Variants in SLC9C2 observed in about 807,000 individuals in gnomAD.
SLC9C2 encodes solute carrier family 9 member C2 (putative), also known as sodium/hydrogen exchanger 11.
SLC9C2 carries 75 observed loss-of-function variants against 140.2 expected under a neutral mutation model. That is an observed-to-expected ratio of 0.53 (90% confidence interval 0.44 to 0.65). SLC9C2 has a LOEUF of 0.65. Among genes scored for constraint, SLC9C2 ranks in the 30% least tolerant of loss-of-function variants. The pLI, the probability that SLC9C2 is intolerant of heterozygous loss-of-function variation, is 0.00. For missense variants in SLC9C2, 1,074 were observed against 1,331.8 expected (o/e 0.81, Z 3.01); for synonymous variants, 375 against 420.9 (o/e 0.89, Z 1.34).
chr1:173,549,570 G>T lies in SLC9C2; in HGVS notation c.1298-1018C>A, dbSNP rs189294272. 6.6e-3 allele frequency among the ~76,000 whole-genome samples: 1,011 copies of T among 152,320 alleles called. 6 individuals carry two copies. Among genetic ancestry groups the T allele is most frequent in the African/African-American group, 0.022 (909 of 41,568 alleles). On this transcript the variant is annotated intron_variant, in intron 11 of 27. Coordinates refer to ENST00000367714, the MANE Select transcript of SLC9C2 (RefSeq NM_178527.4). Reference sequence around the variant, plus strand: ...ACCAGTACATCTGAATATACTCCCAGTGGTTAAGATAATCCTGGAAGAATA... The same window carrying T: ...ACCAGTACATCTGAATATACTCCCATTGGTTAAGATAATCCTGGAAGAATA...
Position 173,533,599 on chromosome 1 carries a change from G to A in SLC9C2, c.2163+10C>T. 6.4e-7 allele frequency: 1 copy of A among 1,561,336 alleles called. No individual in the cohort carries two copies. The highest frequency in any genetic ancestry group is 2.3e-5 in the East Asian group (1 of 44,252). On this transcript the variant is annotated intron_variant, in intron 17 of 27. Transcript: ENST00000367714. ...GGCAAATCTTAATATTTTAAAATGT[G>A]AAATCTTACCTTGAAGAGAGGAAGA...
In SLC9C2 at chr1:173,583,657, C is replaced by G. The variant is rs746761152; in HGVS notation, c.524-35G>C. On this transcript the variant is annotated intron_variant, in intron 5 of 27. Transcript: ENST00000367714. The stretch of plus-strand genomic sequence containing the variant: ...GAAATACAAAATGTAACTCAATATG[C>G]TACATGAAAATAATGTTCTTGCACA... 4.7e-6 allele frequency: 5 copies of G among 1,054,050 alleles called. No individual in the cohort carries two copies. In the African/African-American group the frequency reaches 6.7e-5, roughly 14 times the overall value. The allele number at this position is 1,054,050 out of a possible 1,614,324, so 65.3% of individuals were successfully genotyped here.
chr1:173,519,575 A>G lies in SLC9C2; in HGVS notation c.2739+1726T>C, dbSNP rs926497407. Among the ~76,000 whole-genome samples the G allele has an allele frequency of 5.7e-4, 87 of 152,350 alleles. 1 individual carries two copies. The highest frequency in any genetic ancestry group is 1.2e-3 in the Admixed American group (18 of 15,300). On this transcript the variant is annotated intron_variant, in intron 22 of 27. Coordinates refer to ENST00000367714, the MANE Select transcript of SLC9C2 (RefSeq NM_178527.4). ...TCTTCAGACCAGACATTATTGGACT[A>G]TAGTTTAAGAAGGTTTAGCTAGTCC... is the stretch of plus-strand genomic sequence containing the variant.
rs532807096 is a variant in SLC9C2, at chr1:173,585,393, T to C, written c.524-1771A>G. 1.4e-4 allele frequency among the ~76,000 whole-genome samples: 22 copies of C among 152,312 alleles called. No homozygotes were observed. The South Asian group carries it at 2.9e-3, about 20-fold the overall frequency. On this transcript the variant is annotated intron_variant, in intron 5 of 27. Transcript: ENST00000367714. ...AAATAGTTTTTGCTTAAAAAAATAA[T>C]GTATTATGACTATTTTATTTAATAG... is the stretch of plus-strand genomic sequence containing the variant.
At chr1:173,541,340 A>T in intron 13 of SLC9C2, among the ~76,000 whole-genome samples, 1 of 152,230 alleles carries the variant, frequency 6.6e-6, no homozygotes, top group Non-Finnish European at 1.5e-5. Flanking sequence ...TTAATACAGG[A>T]GCACCCAGAT....
intron 9 of SLC9C2, among the ~76,000 whole-genome samples, chr1:173,569,026 C>G (rs1222637957): frequency 2.6e-5 from 4 of 152,084 alleles, no homozygotes; most frequent in Admixed American, 2.0e-4. Context: ...TTTTGTTTGT[C>G]TGGGAAAGTC....
At chr1:173,543,036 G>A (rs893711233) in intron 13 of SLC9C2, among the ~76,000 whole-genome samples, 3 of 152,082 alleles carry the variant, frequency 2.0e-5, no homozygotes, top group Non-Finnish European at 4.4e-5. Flanking sequence ...AAGAAATAAA[G>A]GGTATTCAAT....
chr1:173,519,379 T>G lies in SLC9C2; in HGVS notation c.2740-1675A>C, dbSNP rs74469312. 9.5e-3 allele frequency among the ~76,000 whole-genome samples: 1,445 copies of G among 152,268 alleles called. 26 individuals carry two copies. The highest frequency in any genetic ancestry group is 0.033 in the African/African-American group (1,387 of 41,550). ...TGGAAACAGATTGTGCCCTTAGAGC[T>G]TCCAGAAGGTAACATAGCACTACTG... On this transcript the variant is annotated intron_variant, in intron 22 of 27. Coordinates refer to ENST00000367714, the MANE Select transcript of SLC9C2 (RefSeq NM_178527.4).
Position 173,573,134 on chromosome 1 carries a change from C to A in SLC9C2, c.1046+48G>T, listed in dbSNP as rs767190324. 3.0e-6 allele frequency: 4 copies of A among 1,336,028 alleles called. No individual in the cohort carries two copies. The South Asian group carries it at 4.7e-5, about 16-fold the overall frequency. The allele number at this position is 1,336,028 out of a possible 1,614,324, so 82.8% of individuals were successfully genotyped here. A position where few individuals can be genotyped will look rare whatever the true frequency, so the allele number is the denominator to read the frequency against. ...CACTGCTTCCTAATTCTAATTCTGG[C>A]CTTGAGAATCTCAGTTTAGTAAACA... On this transcript the variant is annotated intron_variant, in intron 9 of 27. Coordinates refer to ENST00000367714, the MANE Select transcript of SLC9C2 (RefSeq NM_178527.4).
intron 7 of SLC9C2, among the ~76,000 whole-genome samples, chr1:173,581,250 C>T (rs1665513666): frequency 1.3e-5 from 2 of 152,186 alleles, no homozygotes; most frequent in South Asian, 2.1e-4. Flanking sequence ...GACCGGGCAC[C>T]TCAGTCAGGC....
intron 5 of SLC9C2, among the ~76,000 whole-genome samples, chr1:173,584,175 T>C (rs1210532502): frequency 1.4e-5 from 2 of 146,000 alleles, no homozygotes; most frequent in African/African-American, 5.3e-5. Flanking sequence ...TCCACAAAAA[T>C]GAATGAAGTA....
intron 13 of SLC9C2, among the ~76,000 whole-genome samples, chr1:173,543,579 G>A (rs990619643): frequency 5.3e-5 from 8 of 152,286 alleles, no homozygotes; most frequent in African/African-American, 1.9e-4. Flanking sequence ...AAAGCTGGAG[G>A]CATCACACTA....
At chr1:173,589,874 C>A (rs1462250835) in intron 4 of SLC9C2, among the ~76,000 whole-genome samples, 3 of 151,998 alleles carry the variant, frequency 2.0e-5, no homozygotes, top group Admixed American at 1.3e-4. Flanking sequence ...CAATACAGCA[C>A]TGAAAGATAA....
intron 8 of SLC9C2, 67 bp downstream of exon 8, chr1:173,576,594 T>C: frequency 1.1e-6 from 1 of 927,006 alleles, no homozygotes; most frequent in East Asian, 2.5e-5. Context: ...CTAGTGTCCA[T>C]GAAGGCGAGA....
intron 9 of SLC9C2, among the ~76,000 whole-genome samples, chr1:173,563,427 C>A (rs559507391): frequency 6.6e-6 from 1 of 152,130 alleles, no homozygotes; most frequent in South Asian, 2.1e-4. Flanking sequence ...CTCCCTCAAC[C>A]CAGCTTTTCC....
intron 23 of SLC9C2, among the ~76,000 whole-genome samples, chr1:173,516,546 T>C (rs12074220): frequency 0.017 from 2,641 of 152,308 alleles, 69 homozygotes; most frequent in African/African-American, 0.061. Flanking sequence ...CTCCCACTTA[T>C]ATGTGAGAAC....
chr1:173,512,464 G>A (rs1660121233), intron 23 of SLC9C2, among the ~76,000 whole-genome samples: 1 of 151,948 alleles, frequency 6.6e-6, no homozygotes. Flanking sequence ...GTCTGTTGTT[G>A]GTGCATAGCA....
intron 11 of SLC9C2, among the ~76,000 whole-genome samples, chr1:173,552,515 T>C (rs1260561233): frequency 6.6e-6 from 1 of 152,238 alleles, no homozygotes; most frequent in African/African-American, 2.4e-5. Flanking sequence ...TGACTTTAAG[T>C]TGAAGCCAAT....
At chr1:173,558,066 C>G (rs1256193066) in intron 9 of SLC9C2, among the ~76,000 whole-genome samples, 1 of 152,148 alleles carries the variant, frequency 6.6e-6, no homozygotes, top group Non-Finnish European at 1.5e-5. Context: ...AATTTAAAAT[C>G]TATCATTAAG....
Sources: gnomAD v4.1 joint callset for allele counts (sites outside exome capture counted in the v4.1 genomes callset) on GRCh38, gnomAD v4.1.1 for gene constraint, MANE v1.5 for transcripts, NCBI Gene and HGNC (gene_info 2026-07-23, HGNC 2026-07-21) for gene names.